Variants in SYTL5 observed in about 807,000 individuals in gnomAD.
SYTL5 encodes synaptotagmin like 5.
Under a neutral mutation model 55.9 loss-of-function variants are expected in SYTL5, and 34 were observed. The observed-to-expected ratio is 0.61, with a 90% confidence interval of 0.46 to 0.81. SYTL5 has a LOEUF of 0.81. Ranked by LOEUF, SYTL5 falls within the 30% of genes least tolerant of loss-of-function variation. The pLI is 0.00. For synonymous variants in SYTL5, 221 were observed against 188.7 expected (o/e 1.17, Z -1.40); for missense variants, 637 against 546.7 (o/e 1.17, Z -1.65).
At chrX:37,934,427 G>C in the SYTL5 span, among the ~76,000 whole-genome samples, 15 of 107,025 alleles carry the variant, frequency 1.4e-4, no homozygotes, top group African/African-American at 4.1e-4. Flanking sequence ...TTCAGTCGAG[G>C]TGTTCAACAG....
chrX:38,124,871 C>T (rs760589227), intron 15 of SYTL5, among the ~76,000 whole-genome samples: 4 of 111,440 alleles, frequency 3.6e-5, no homozygotes, highest in African/African-American at 6.5e-5. Context: ...GTTTCCTACA[C>T]ATAAGCTGAG....
intron 13 of SYTL5, among the ~76,000 whole-genome samples, chrX:38,116,508 A>G (rs1470101900): frequency 8.9e-6 from 1 of 112,619 alleles, no homozygotes; most frequent in African/African-American, 3.2e-5. Context: ...TCATCAGAAG[A>G]TTCTAATTTG....
the SYTL5 span, among the ~76,000 whole-genome samples, chrX:37,945,654 G>C: frequency 8.9e-6 from 1 of 111,881 alleles, no homozygotes; most frequent in Non-Finnish European, 1.9e-5. Flanking sequence ...GTTGTGGTAT[G>C]TTTACTTAAT....
At chrX:37,963,505 G>T in the SYTL5 span, among the ~76,000 whole-genome samples, 1 of 111,385 alleles carries the variant, frequency 9.0e-6, no homozygotes, top group African/African-American at 3.3e-5. Flanking sequence ...GGTCAGGCTG[G>T]TGTCGGTCTC....
At chrX:37,913,796 T>C in the SYTL5 span, among the ~76,000 whole-genome samples, 1 of 112,332 alleles carries the variant, frequency 8.9e-6, no homozygotes, top group Non-Finnish European at 1.9e-5. Flanking sequence ...CCCTAGTTGT[T>C]TACAGTTGTG....
the SYTL5 span, among the ~76,000 whole-genome samples, chrX:37,964,275 C>T: frequency 8.9e-6 from 1 of 111,907 alleles, no homozygotes; most frequent in East Asian, 2.8e-4. Flanking sequence ...GGGCCTTGAT[C>T]TTGAATTTCT....
intron 3 of SYTL5, among the ~76,000 whole-genome samples, chrX:38,071,281 T>C (rs1198975278): frequency 9.0e-6 from 1 of 111,461 alleles, no homozygotes; most frequent in Non-Finnish European, 1.9e-5. Context: ...ATGGGGGTGA[T>C]TTCATGTAGC....
intron 3 of SYTL5, among the ~76,000 whole-genome samples, chrX:38,069,579 T>C (rs1293084488): frequency 8.9e-6 from 1 of 112,264 alleles, no homozygotes; most frequent in Non-Finnish European, 1.9e-5. Flanking sequence ...CATAAAATCT[T>C]TCTCATATTT....
At chrX:37,998,511 C>T in the SYTL5 span, among the ~76,000 whole-genome samples, 1 of 111,804 alleles carries the variant, frequency 8.9e-6, no homozygotes, top group African/African-American at 3.3e-5. Context: ...CCTATTCTGG[C>T]ATCTGGAACT....
chrX:37,929,828 G>A, the SYTL5 span, among the ~76,000 whole-genome samples: 1 of 111,924 alleles, frequency 8.9e-6, no homozygotes, highest in Admixed American at 9.4e-5. Flanking sequence ...AATGAGAGAC[G>A]TGAAAACTAT....
chrX:37,957,412 G>A, the SYTL5 span, among the ~76,000 whole-genome samples: 1 of 111,729 alleles, frequency 9.0e-6, no homozygotes, highest in Non-Finnish European at 1.9e-5. Flanking sequence ...TTAAAGTTCA[G>A]GTCTTACACT....
intron 11 of SYTL5, among the ~76,000 whole-genome samples, chrX:38,107,290 G>A (rs1331389698): frequency 9.0e-6 from 1 of 111,685 alleles, no homozygotes; most frequent in Non-Finnish European, 1.9e-5. Context: ...GGAGGACTTA[G>A]GACTCTGCAC....
intron 2 of SYTL5, among the ~76,000 whole-genome samples, chrX:38,051,623 C>A (rs979754731): frequency 8.9e-6 from 1 of 111,780 alleles, no homozygotes; most frequent in African/African-American, 3.2e-5. Context: ...TTTTCCTCTT[C>A]TTTTACTTCT....
chrX:37,928,965 G>A, the SYTL5 span, among the ~76,000 whole-genome samples: 1 of 112,182 alleles, frequency 8.9e-6, no homozygotes, highest in Non-Finnish European at 1.9e-5. Flanking sequence ...AGGACTAAAA[G>A]TTGCTATTTT....
At chrX:37,980,437 G>A in the SYTL5 span, among the ~76,000 whole-genome samples, 1 of 112,238 alleles carries the variant, frequency 8.9e-6, no homozygotes, top group African/African-American at 3.2e-5. Flanking sequence ...TCTACTTTCA[G>A]TATAACAGTG....
chrX:38,058,006 G>C (rs188243476), intron 3 of SYTL5, among the ~76,000 whole-genome samples: 1 of 110,958 alleles, frequency 9.0e-6, no homozygotes, highest in African/African-American at 3.3e-5. Flanking sequence ...TCTGAATCCT[G>C]TTGAAGAAAA....
At chrX:38,079,868 A>T (rs1429465429) in intron 6 of SYTL5, among the ~76,000 whole-genome samples, 2 of 112,226 alleles carry the variant, frequency 1.8e-5, no homozygotes, top group Non-Finnish European at 3.8e-5. Context: ...CCTCCCTTGA[A>T]TAGAGTCTCT....
At chrX:38,120,281 T>A in intron 13 of SYTL5, 77 bp from the exon 14 acceptor site, 1 of 686,088 alleles carries the variant, frequency 1.5e-6, no homozygotes, top group Non-Finnish European at 2.4e-6. Flanking sequence ...TAAGTAAATA[T>A]TGCACATTCA....
upstream of SYTL5, among the ~76,000 whole-genome samples, chrX:38,003,930 C>T (rs1207579375): frequency 1.8e-5 from 2 of 111,859 alleles, no homozygotes; most frequent in Non-Finnish European, 3.8e-5. Flanking sequence ...TTGCATTTCT[C>T]TGATGATCAC....
Sources: allele counts gnomAD v4.1 joint callset (sites outside exome capture counted in the v4.1 genomes callset), GRCh38; gene constraint gnomAD v4.1.1; transcripts MANE v1.5; gene names NCBI Gene and HGNC (gene_info 2026-07-23, HGNC 2026-07-21).